Variants in NFATC3 observed in about 807,000 individuals in gnomAD.
NFATC3 encodes the protein nuclear factor of activated T-cells, cytoplasmic 3.
A neutral mutation model predicts 98.6 loss-of-function variants in NFATC3; 46 were observed. The observed-to-expected ratio is 0.47, with a 90% CI of 0.37 to 0.60. The LOEUF (loss-of-function observed/expected upper bound fraction) is 0.60, where lower values mean the gene tolerates loss of function less well. Among genes scored for constraint, NFATC3 ranks in the 20% least tolerant of loss-of-function variants. The pLI, the probability that NFATC3 is intolerant of heterozygous loss-of-function variation, is 0.00. For missense variants in NFATC3, 1,256 were observed against 1,295.5 expected (o/e 0.97, Z 0.47); for synonymous variants, 512 against 472.2 (o/e 1.08, Z -1.09).
rs927269074 is a variant in NFATC3 at position 68,217,570 on chromosome 16, GTTTTA to G, written c.3107-8775_3107-8771del. On this transcript the variant is annotated intron_variant, in intron 9 of 9. Coordinates refer to ENST00000346183, the MANE Select transcript of NFATC3 (RefSeq NM_173165.3). ...TCCTGTGTTATAATTATGGTGGTAA[GTTTTA>G]TTTTTGTTAATAGTATTAGCTAAGT... 9.0e-6 allele frequency: 10 copies of G among 1,109,338 alleles called. No homozygotes were observed. The African/African-American group carries it at 1.6e-4, about 18-fold the overall frequency. The allele number at this position is 1,109,338 out of a possible 1,614,324, so 68.7% of individuals were successfully genotyped here. A position where few individuals can be genotyped will look rare whatever the true frequency, so the allele number is the denominator to read the frequency against.
At chr16:68,216,571 G>C (rs1192802986) in intron 9 of NFATC3, among the ~76,000 whole-genome samples, 3 of 150,226 alleles carry the variant, frequency 2.0e-5, no homozygotes, top group African/African-American at 7.4e-5. Context: ...TCGCTCTGTT[G>C]CCTAGGCTGG....
chr16:68,163,488 G>A (rs1356024069), intron 4 of NFATC3, among the ~76,000 whole-genome samples: 4 of 150,338 alleles, frequency 2.7e-5, no homozygotes, highest in East Asian at 2.0e-4. Context: ...CTGGCTGGGC[G>A]GGGGGCTGAC....
rs1204212718 is a variant in NFATC3 at position 68,191,019 on chromosome 16, C to G, written c.2350C>G (p.Pro784Ala). 1 of 1,614,124 alleles carries G rather than the reference C, an allele frequency of 6.2e-7. No individual in the cohort carries two copies. The highest frequency in any genetic ancestry group is 8.5e-7 in the Non-Finnish European group (1 of 1,180,048). The change falls in exon 9 of 10, where the codon CCA becomes GCA. Residue 784 changes from proline to alanine, a missense_variant. Transcript: ENST00000346183. ...TAAAGAACAGCATATGATTCCTTCTCCAATTGTACACCAGCCTTTTCAAGT... is the reference window on the plus strand; with the variant it reads ...TAAAGAACAGCATATGATTCCTTCTGCAATTGTACACCAGCCTTTTCAAGT... ...VSKEQHMIPS[P>A]IVHQPFQVTP...
intron 3 of NFATC3, among the ~76,000 whole-genome samples, chr16:68,146,026 G>A (rs911342176): frequency 6.6e-6 from 1 of 151,978 alleles, no homozygotes; most frequent in African/African-American, 2.4e-5. Flanking sequence ...TCAGAAGTCA[G>A]AAGTGTCTTA....
intron 5 of NFATC3, among the ~76,000 whole-genome samples, chr16:68,172,509 C>T: frequency 6.6e-6 from 1 of 152,172 alleles, no homozygotes; most frequent in East Asian, 1.9e-4. Flanking sequence ...CACCTGTAAT[C>T]CCAACTCTTT....
rs542005241 is a variant in NFATC3 at position 68,203,489 on chromosome 16, C to T, written c.3106+11714C>T. On this transcript the variant is annotated intron_variant, in intron 9 of 9. Transcript: ENST00000346183. ...TCTATAAAAAATACCAGAATTAGGC[C>T]GGGTGTGGTGGCGTGTGCCTATAGT... Among the ~76,000 whole-genome samples, 35 of 151,804 alleles carry T rather than the reference C, an allele frequency of 2.3e-4. No homozygotes were observed. In the South Asian group the frequency reaches 4.8e-3, roughly 21 times the overall value.
chr16:68,150,502 A>G (rs146281791), intron 3 of NFATC3, among the ~76,000 whole-genome samples: 1 of 151,248 alleles, frequency 6.6e-6, no homozygotes, highest in Non-Finnish European at 1.5e-5. Context: ...GGATCCTTTG[A>G]GCCCAGAAAC....
In NFATC3 at chr16:68,213,828, CA is replaced by C. The variant is rs766331226; in HGVS notation, c.3107-12514del. On this transcript the variant is annotated intron_variant, in intron 9 of 9. Coordinates refer to ENST00000346183, the MANE Select transcript of NFATC3 (RefSeq NM_173165.3). ...TGGGTGACAGAGTGAGACTCCATCTCAAAAAAAATACTCTTCCATGACTCCC... is the reference window on the plus strand; with the variant it reads ...TGGGTGACAGAGTGAGACTCCATCTCAAAAAAATACTCTTCCATGACTCCC... Among the ~76,000 whole-genome samples the C allele has an allele frequency of 1.8e-4, 27 of 151,706 alleles. No individual in the cohort carries two copies. In the East Asian group the frequency reaches 4.3e-3, roughly 24 times the overall value.
chr16:68,220,289 C>T (rs1326704443), intron 9 of NFATC3, among the ~76,000 whole-genome samples: 5 of 152,024 alleles, frequency 3.3e-5, no homozygotes, highest in African/African-American at 9.7e-5. Context: ...TTTGAGAGGC[C>T]GAGGTGGCCA....
Position 68,191,172 on chromosome 16 carries a change from G to A in NFATC3, c.2503G>A (p.Asp835Asn), listed in dbSNP as rs1387388556. 3.1e-6 allele frequency: 5 copies of A among 1,614,054 alleles called. No individual in the cohort carries two copies. The highest frequency in any genetic ancestry group is 1.7e-5 in the Admixed American group (1 of 59,994). ...QEFDSVLFQQDATLSGLVNLG... is the reference protein window; with the variant it reads ...QEFDSVLFQQNATLSGLVNLG... ...ATTTGATTCAGTTTTGTTTCAGCAG[G>A]ATGCAACTCTTTCTGGTTTAGTGAA... The change falls in exon 9 of 10, where the codon GAT becomes AAT. Residue 835 changes from aspartate (D) to asparagine (N), a missense_variant. By Grantham distance (23) the Asp-to-Asn change is conservative. Transcript: ENST00000346183.
At chr16:68,147,179 A>G (rs1378617716) in intron 3 of NFATC3, among the ~76,000 whole-genome samples, 1 of 152,248 alleles carries the variant, frequency 6.6e-6, no homozygotes, top group Non-Finnish European at 1.5e-5. Context: ...AAGCTCTTAT[A>G]CATGTCAGCC....
chr16:68,181,961 T>C (rs542026904), intron 7 of NFATC3, among the ~76,000 whole-genome samples: 25 of 152,180 alleles, frequency 1.6e-4, no homozygotes, highest in African/African-American at 6.0e-4. Flanking sequence ...GGAAGTAAAA[T>C]ATTTACCTAG....
chr16:68,181,787 C>T (rs577200454), intron 7 of NFATC3, among the ~76,000 whole-genome samples: 54 of 152,064 alleles, frequency 3.6e-4, no homozygotes, highest in African/African-American at 1.3e-3. Flanking sequence ...ATTAGCCATG[C>T]GTGGTGAGGT....
chr16:68,174,730 TC>T (rs1186609888), intron 6 of NFATC3, among the ~76,000 whole-genome samples: 1 of 152,196 alleles, frequency 6.6e-6, no homozygotes, highest in Non-Finnish European at 1.5e-5. Flanking sequence ...TGCCTGTAGT[TC>T]CAGCTACTCA....
At chr16:68,117,266 T>C (rs140990784) in intron 1 of NFATC3, among the ~76,000 whole-genome samples, 1 of 152,344 alleles carries the variant, frequency 6.6e-6, no homozygotes, top group East Asian at 1.9e-4. Flanking sequence ...ACCATCATAA[T>C]TCAACAGGCT....
At chr16:68,161,604 G>A (rs2038897223) in intron 4 of NFATC3, among the ~76,000 whole-genome samples, 2 of 152,180 alleles carry the variant, frequency 1.3e-5, no homozygotes, top group Non-Finnish European at 2.9e-5. Flanking sequence ...ACAACACGTG[G>A]CCTATAACAA....
At chr16:68,202,916 T>C (rs939178828) in intron 9 of NFATC3, among the ~76,000 whole-genome samples, 3 of 152,186 alleles carry the variant, frequency 2.0e-5, no homozygotes, top group Non-Finnish European at 4.4e-5. Flanking sequence ...ATAATCACTA[T>C]GGGCACTGGA....
intron 1 of NFATC3, among the ~76,000 whole-genome samples, chr16:68,090,950 C>T (rs2034677343): frequency 6.6e-6 from 1 of 152,046 alleles, no homozygotes. Context: ...TGACACATTT[C>T]CTGATGTTGA....
intron 9 of NFATC3, among the ~76,000 whole-genome samples, chr16:68,209,966 G>A (rs545836637): frequency 7.2e-6 from 1 of 139,000 alleles, no homozygotes; most frequent in African/African-American, 3.1e-5. Flanking sequence ...AAGAGTTCAA[G>A]ACCAGCCTGG....
Sources: allele counts gnomAD v4.1 joint callset (sites outside exome capture counted in the v4.1 genomes callset), GRCh38; gene constraint gnomAD v4.1.1; transcripts MANE v1.5; gene names NCBI Gene and HGNC (gene_info 2026-07-23, HGNC 2026-07-21).